The following BEX4 variants were observed in gnomAD, a reference collection of about 807,000 sequenced individuals.
BEX4 encodes protein BEX4.
For synonymous variants in BEX4, 37 were observed against 33.5 expected (o/e 1.11, Z -0.36); for missense variants, 110 against 96.5 (o/e 1.14, Z -0.59).
chrX:103,216,731 A>G lies in BEX4; in HGVS notation c.*215A>G. 1 of 346,776 alleles carries G rather than the reference A, an allele frequency of 2.9e-6. No homozygotes were observed. 28.6% of individuals were successfully genotyped at this position (346,776 alleles called of 1,213,427 possible). A position where few individuals can be genotyped will look rare whatever the true frequency, so the allele number is the denominator to read the frequency against. On this transcript the variant is annotated 3_prime_UTR_variant, in exon 3 of 3. Coordinates refer to ENST00000372695, the MANE Select transcript of BEX4 (RefSeq NM_001080425.4). ...AAAAATACTCTTTTCATAATATGAA[A>G]TGCATAAAGCAGTTCAAAAAGCAGT...
At position 103,216,232 on chromosome X, in the gene BEX4, G is replaced by A; in HGVS notation, c.79G>A (p.Ala27Thr). The A allele has an allele frequency of 8.5e-7, 1 of 1,177,553 alleles. No homozygotes were observed. The highest frequency in any genetic ancestry group is 1.1e-6 in the Non-Finnish European group (1 of 879,262). The change falls in exon 3 of 3, where the codon GCC (alanine) becomes ACC (threonine). Residue 27 changes from alanine (A) to threonine (T), a missense_variant. Transcript: ENST00000372695. ...ACAAGAAAACGAAGGAGGGGAGCAG[G>A]CCCCCACGCAGAATGAAGAAGAATC... is the stretch of plus-strand genomic sequence containing the variant. The part of the protein sequence containing the change: ...AQQENEGGEQ[A>T]PTQNEEESRH...
rs1178321141 is a variant in BEX4, at chrX:103,215,181, G to T, written c.-146G>T. The T allele has an allele frequency of 1.2e-5, 9 of 753,454 alleles. No individual in the cohort carries two copies. In the East Asian group the frequency reaches 1.4e-3, roughly 115 times the overall value. 62.1% of individuals were successfully genotyped at this position (753,454 alleles called of 1,213,427 possible). On this transcript the variant is annotated 5_prime_UTR_variant, in exon 1 of 3. Transcript: ENST00000372695. Reference sequence around the variant, plus strand: ...TCGGCGGTGGTACCTGCTCCCGGTGGCCCTGAGGACGTGTGGGCCAGGGGC... The same window carrying T: ...TCGGCGGTGGTACCTGCTCCCGGTGTCCCTGAGGACGTGTGGGCCAGGGGC...
rs778669317 is a variant in BEX4 at position 103,216,677 on chromosome X, G to A, written c.*161G>A. The A allele has an allele frequency of 3.6e-5, 21 of 576,569 alleles. No homozygotes were observed. Among genetic ancestry groups the A allele is most frequent in the South Asian group, 5.0e-5 (1 of 20,106 alleles). The allele number at this position is 576,569 out of a possible 1,213,427, so 47.5% of individuals were successfully genotyped here. A position where few individuals can be genotyped will look rare whatever the true frequency, so the allele number is the denominator to read the frequency against. On this transcript the variant is annotated 3_prime_UTR_variant, in exon 3 of 3. Coordinates refer to ENST00000372695, the MANE Select transcript of BEX4 (RefSeq NM_001080425.4). ...TGTTTTGTCTCAGCCTAAAAGTTAC[G>A]GTCAGCATGGCAATTCACCTATTTT...
At chrX:103,215,850 C>A in intron 2 of BEX4, 86 bp downstream of exon 2, 1 of 641,467 alleles carries the variant, frequency 1.6e-6, no homozygotes, top group Non-Finnish European at 2.0e-6. Context: ...TCACCCTCGC[C>A]CCCCTCTACC....
At position 103,216,752 on chromosome X, in the gene BEX4, G is replaced by T. The variant is rs1924599296; in HGVS notation, c.*236G>T. 3.9e-6 allele frequency: 1 copy of T among 254,860 alleles called. No homozygotes were observed. The allele number at this position is 254,860 out of a possible 1,213,427, so 21.0% of individuals were successfully genotyped here. A position where few individuals can be genotyped will look rare whatever the true frequency, so the allele number is the denominator to read the frequency against. ...TGAAATGCATAAAGCAGTTCAAAAA[G>T]CAGTCTGTATTCCATCATCTTCCTT... On this transcript the variant is annotated 3_prime_UTR_variant, in exon 3 of 3. Transcript: ENST00000372695.
chrX:103,215,853 C>G (rs1016852685), intron 2 of BEX4, 89 bp downstream of exon 2: 41 of 665,073 alleles, frequency 6.2e-5, no homozygotes, highest in Middle Eastern at 7.1e-4. Context: ...CCCTCGCCCC[C>G]CTCTACCCCA....
rs771646179 is a variant in BEX4, at chrX:103,217,056, T to G, written c.*540T>G. 8.4e-6 allele frequency: 1 copy of G among 118,869 alleles called. No individual in the cohort carries two copies. The highest frequency in any genetic ancestry group is 1.9e-5 in the Non-Finnish European group (1 of 53,704). The allele number at this position is 118,869 out of a possible 1,213,427, so 9.8% of individuals were successfully genotyped here. On this transcript the variant is annotated 3_prime_UTR_variant, in exon 3 of 3. Transcript: ENST00000372695. The stretch of plus-strand genomic sequence containing the variant: ...GAGTGGGGCTCCAGAATCTCCATTT[T>G]TAACAAACTCTCTTAAGTAATTCTG...
chrX:103,216,412 A>T lies in BEX4; in HGVS notation c.259A>T (p.Met87Leu). ...TGATGTAGAAAGGTTTGTAGGGCAG[A>T]TGATGGAAATCAAGAGAAAGACTAG... Reference protein sequence around the residue: ...RDDVERFVGQMMEIKRKTREQ... With the variant: ...RDDVERFVGQLMEIKRKTREQ... The change falls in exon 3 of 3, where the codon ATG (methionine) becomes TTG (leucine). Residue 87 changes from methionine (M) to leucine (L), a missense_variant. Transcript: ENST00000372695. 1 of 1,211,970 alleles carries T rather than the reference A, an allele frequency of 8.3e-7. No individual in the cohort carries two copies. The highest frequency in any genetic ancestry group is 1.1e-6 in the Non-Finnish European group (1 of 895,567).
intron 1 of BEX4, among the ~76,000 whole-genome samples, 158 bp downstream of exon 1, chrX:103,215,396 G>T (rs927449257): frequency 8.9e-6 from 1 of 112,567 alleles, no homozygotes; most frequent in African/African-American, 3.2e-5. Context: ...GCGGAGAGGT[G>T]CCCGGCCCGG....
rs1300184920 is a variant in BEX4 at position 103,216,468 on chromosome X, C to T, written c.315C>T (p.Phe105=). 1.7e-6 allele frequency: 2 copies of T among 1,211,013 alleles called. No homozygotes were observed. The highest frequency in any genetic ancestry group is 2.2e-6 in the Non-Finnish European group (2 of 895,200). The part of the protein sequence containing the change: ...REQQMRHYMR[F]QTPEPDNHYD... ...AGCAGATGAGGCACTATATGCGCTTCCAAACTCCTGAACCTGACAACCATT... is the reference window on the plus strand; with the variant it reads ...AGCAGATGAGGCACTATATGCGCTTTCAAACTCCTGAACCTGACAACCATT... The change falls in exon 3 of 3, where the codon TTC becomes TTT. Residue 105 remains phenylalanine, a synonymous_variant. Transcript: ENST00000372695.
chrX:103,215,546 G>C, intron 1 of BEX4, 136 bp from the exon 2 acceptor site: 1 of 468,178 alleles, frequency 2.1e-6, no homozygotes, highest in South Asian at 4.5e-5. Flanking sequence ...GGCTGAGGCG[G>C]GGGGCGAGGG....
intron 2 of BEX4, 78 bp from the exon 3 acceptor site, chrX:103,216,071 G>A (rs975714960): frequency 1.9e-6 from 2 of 1,036,716 alleles, no homozygotes; most frequent in African/African-American, 1.9e-5. Flanking sequence ...ATTTTAAAAG[G>A]TGCCTAGTAG....
At chrX:103,215,793 G>C (rs1924564991) in intron 2 of BEX4, 29 bp downstream of exon 2, 1 of 868,798 alleles carries the variant, frequency 1.2e-6, no homozygotes, top group Admixed American at 4.9e-5. Context: ...GGTGAGGCGG[G>C]GGCCGGAACG....
chrX:103,215,332 T>TCGGTCCGCGATGCAGC, intron 1 of BEX4, 94 bp downstream of exon 1: 1 of 609,472 alleles, frequency 1.6e-6, no homozygotes, highest in East Asian at 1.5e-4. Flanking sequence ...GGAGAAGCAA[T>TCGGTCCGCGATGCAGC]CGGTCCGCGA....
chrX:103,215,236 C>T lies in BEX4; in HGVS notation c.-91C>T. On this transcript the variant is annotated splice_region_variant and 5_prime_UTR_variant, in exon 1 of 3. Coordinates refer to ENST00000372695, the MANE Select transcript of BEX4 (RefSeq NM_001080425.4). Reference sequence around the variant, plus strand: ...CCGAAATTAGGAAGCGGAGGGGGAGCAGGTAAGGAACCCGGCGGGGGGTCC... The same window carrying T: ...CCGAAATTAGGAAGCGGAGGGGGAGTAGGTAAGGAACCCGGCGGGGGGTCC... The T allele has an allele frequency of 2.6e-6, 2 of 755,154 alleles. No individual in the cohort carries two copies. Among genetic ancestry groups the T allele is most frequent in the Non-Finnish European group, 3.1e-6 (2 of 639,880 alleles). The allele number at this position is 755,154 out of a possible 1,213,427, so 62.2% of individuals were successfully genotyped here. A position where few individuals can be genotyped will look rare whatever the true frequency, so the allele number is the denominator to read the frequency against.
intron 2 of BEX4, 147 bp downstream of exon 2, chrX:103,215,911 C>A: frequency 1.9e-6 from 1 of 539,308 alleles, no homozygotes; most frequent in Non-Finnish European, 2.5e-6. Flanking sequence ...CATTTTGCTG[C>A]CTGCGGAAGC....
chrX:103,216,740 G>A lies in BEX4; in HGVS notation c.*224G>A. ...CTTTTCATAATATGAAATGCATAAA[G>A]CAGTTCAAAAAGCAGTCTGTATTCC... is the stretch of plus-strand genomic sequence containing the variant. On this transcript the variant is annotated 3_prime_UTR_variant, in exon 3 of 3. Transcript: ENST00000372695. The A allele has an allele frequency of 1.0e-5, 3 of 287,903 alleles. No individual in the cohort carries two copies. In the Admixed American group the frequency reaches 1.8e-4, roughly 18 times the overall value. The allele number at this position is 287,903 out of a possible 1,213,427, so 23.7% of individuals were successfully genotyped here. A position where few individuals can be genotyped will look rare whatever the true frequency, so the allele number is the denominator to read the frequency against.
chrX:103,215,832 C>G, intron 2 of BEX4, 68 bp downstream of exon 2: 4 of 741,386 alleles, frequency 5.4e-6, no homozygotes, highest in Non-Finnish European at 5.0e-6. Flanking sequence ...AGACCCTAAT[C>G]CATGCCTTCA....
chrX:103,216,772 T>G lies in BEX4; in HGVS notation c.*256T>G, dbSNP rs926433907. 6.2e-5 allele frequency: 13 copies of G among 209,905 alleles called. No homozygotes were observed. Among genetic ancestry groups the G allele is most frequent in the Non-Finnish European group, 1.1e-4 (12 of 110,537 alleles). The allele number at this position is 209,905 out of a possible 1,213,427, so 17.3% of individuals were successfully genotyped here. On this transcript the variant is annotated 3_prime_UTR_variant, in exon 3 of 3. Transcript: ENST00000372695. The stretch of plus-strand genomic sequence containing the variant: ...AAAAAGCAGTCTGTATTCCATCATC[T>G]TCCTTTTTCATTCCAGTCCTTATTT...
Sources: allele counts gnomAD v4.1 joint callset (sites outside exome capture counted in the v4.1 genomes callset), GRCh38; gene constraint gnomAD v4.1.1; transcripts MANE v1.5; gene names NCBI Gene and HGNC (gene_info 2026-07-23, HGNC 2026-07-21).